Variants in SLC39A11 observed in about 807,000 individuals in gnomAD.
SLC39A11 encodes zinc transporter ZIP11.
SLC39A11 carries 33 observed loss-of-function variants against 36.1 expected under a neutral mutation model. That is an observed-to-expected ratio of 0.91 (90% confidence interval 0.69 to 1.22). SLC39A11 has a LOEUF of 1.22. SLC39A11 is among the 50% of genes most tolerant of loss of function. SLC39A11 has a pLI of 0.00. For missense variants in SLC39A11, 432 were observed against 430.3 expected (o/e 1.00, Z -0.03); for synonymous variants, 166 against 170.3 (o/e 0.97, Z 0.20).
intron 3 of SLC39A11, chr17:73,073,831 G>A (rs2060236855): frequency 6.6e-6 from 1 of 151,998 alleles, no homozygotes; most frequent in Admixed American, 6.6e-5. Flanking sequence ...ATTTCTCCCA[G>A]CCTCCTAAAG....
chr17:72,686,496 C>T (rs2071757384), intron 7 of SLC39A11, among the ~76,000 whole-genome samples: 1 of 152,194 alleles, frequency 6.6e-6, no homozygotes, highest in South Asian at 2.1e-4. Context: ...ACAGGTGCAC[C>T]ACACCCTGCC....
chr17:72,708,662 A>G (rs1379091546), intron 7 of SLC39A11, among the ~76,000 whole-genome samples: 1 of 152,160 alleles, frequency 6.6e-6, no homozygotes, highest in Non-Finnish European at 1.5e-5. Context: ...TTCTTCTACA[A>G]TCTCTCTGCC....
At chr17:72,665,205 C>T (rs2070674038) in intron 7 of SLC39A11, among the ~76,000 whole-genome samples, 1 of 152,098 alleles carries the variant, frequency 6.6e-6, no homozygotes, top group African/African-American at 2.4e-5. Context: ...AGTGCGCCAT[C>T]TTGGAAATGG....
chr17:72,737,863 C>T (rs1279475343), intron 6 of SLC39A11, among the ~76,000 whole-genome samples: 1 of 152,116 alleles, frequency 6.6e-6, no homozygotes, highest in Non-Finnish European at 1.5e-5. Context: ...GTCTCAATCC[C>T]TCTCTGGGGC....
intron 5 of SLC39A11, 178 bp downstream of exon 5, chr17:72,947,574 G>A (rs2085508437): frequency 1.2e-6 from 1 of 823,306 alleles, no homozygotes; most frequent in Non-Finnish European, 1.9e-6. Context: ...GAGAAATGAA[G>A]GTGCTGGGCC....
chr17:72,869,370 T>C (rs955868357), intron 5 of SLC39A11, among the ~76,000 whole-genome samples: 1 of 152,170 alleles, frequency 6.6e-6, no homozygotes, highest in Non-Finnish European at 1.5e-5. Flanking sequence ...AAGTGGGAAA[T>C]GCATTTTTAT....
At chr17:72,881,755 G>A (rs1373259201) in intron 5 of SLC39A11, among the ~76,000 whole-genome samples, 1 of 152,196 alleles carries the variant, frequency 6.6e-6, no homozygotes, top group Admixed American at 6.5e-5. Context: ...CAAAACAAGA[G>A]AGCTCCCCAA....
At chr17:72,779,590 G>A (rs1410045713) in intron 6 of SLC39A11, among the ~76,000 whole-genome samples, 9 of 152,052 alleles carry the variant, frequency 5.9e-5, no homozygotes, top group Admixed American at 2.6e-4. Context: ...CTAACCCATC[G>A]CTCTCTTTGT....
At chr17:72,865,982 G>T (rs912717106) in intron 5 of SLC39A11, among the ~76,000 whole-genome samples, 3 of 152,192 alleles carry the variant, frequency 2.0e-5, no homozygotes, top group Non-Finnish European at 2.9e-5. Context: ...TCAGAGAGAG[G>T]AAGAGATGGA....
chr17:72,885,665 T>C (rs1307360441), intron 5 of SLC39A11, among the ~76,000 whole-genome samples: 5 of 104,744 alleles, frequency 4.8e-5, no homozygotes, highest in Non-Finnish European at 3.5e-5. Context: ...GAACGCTGGA[T>C]CCAGTTCTTT....
intron 6 of SLC39A11, among the ~76,000 whole-genome samples, chr17:72,790,952 G>A (rs2076681121): frequency 6.6e-6 from 1 of 152,194 alleles, no homozygotes; most frequent in Admixed American, 6.5e-5. Flanking sequence ...TAGCAACTTA[G>A]CCACGTTGAA....
chr17:72,738,987 G>A (rs938719615), intron 6 of SLC39A11, among the ~76,000 whole-genome samples: 1 of 152,134 alleles, frequency 6.6e-6, no homozygotes, highest in Non-Finnish European at 1.5e-5. Context: ...ACAAGAGTCC[G>A]CAATGGGGTC....
At chr17:72,998,114 T>C (rs1251615111) in intron 4 of SLC39A11, among the ~76,000 whole-genome samples, 1 of 152,032 alleles carries the variant, frequency 6.6e-6, no homozygotes, top group African/African-American at 2.4e-5. Context: ...AATTTACGAG[T>C]GGAAGACATG....
chr17:73,042,148 T>C (rs1398444189), intron 3 of SLC39A11, among the ~76,000 whole-genome samples: 1 of 152,190 alleles, frequency 6.6e-6, no homozygotes, highest in Non-Finnish European at 1.5e-5. Flanking sequence ...ATCAGAATAT[T>C]CTGGCACGAT....
chr17:72,739,148 GAC>G (rs1265255818), intron 6 of SLC39A11, among the ~76,000 whole-genome samples: 6 of 144,090 alleles, frequency 4.2e-5, no homozygotes, highest in Non-Finnish European at 9.0e-5. Context: ...TTTTTTTTGA[GAC>G]ACAGTCTCAC....
At chr17:72,840,856 C>G (rs1247125858) in intron 6 of SLC39A11, among the ~76,000 whole-genome samples, 1 of 151,776 alleles carries the variant, frequency 6.6e-6, no homozygotes, top group African/African-American at 2.4e-5. Context: ...GAGATCAGGA[C>G]CATCCTGGCT....
chr17:72,885,676 A>G (rs56933531), intron 5 of SLC39A11, among the ~76,000 whole-genome samples: 78,551 of 151,352 alleles, frequency 0.52, 22,247 homozygotes, highest in African/African-American at 0.75. Flanking sequence ...CCAGTTCTTT[A>G]GTACCACTGG....
At chr17:73,004,155 G>A (rs1317773803) in intron 4 of SLC39A11, among the ~76,000 whole-genome samples, 1 of 123,596 alleles carries the variant, frequency 8.1e-6, no homozygotes, top group South Asian at 2.5e-4. Flanking sequence ...AAGAAAGAAA[G>A]AAGGAAAAAA....
intron 6 of SLC39A11, among the ~76,000 whole-genome samples, chr17:72,800,106 G>C (rs377367961): frequency 1.4e-4 from 21 of 152,078 alleles, no homozygotes; most frequent in African/African-American, 2.9e-4. Context: ...ATTAGGGGCA[G>C]GTTCCCCCAA....
Sources: gnomAD v4.1 joint callset for allele counts (sites outside exome capture counted in the v4.1 genomes callset) on GRCh38, gnomAD v4.1.1 for gene constraint, MANE v1.5 for transcripts, NCBI Gene and HGNC (gene_info 2026-07-23, HGNC 2026-07-21) for gene names.